SMAD4: variants seen among roughly 807,000 people sequenced by gnomAD.
SMAD4 encodes the protein SMAD family member 4.
SMAD4 carries 7 observed loss-of-function variants against 63.2 expected under a neutral mutation model. That is an observed-to-expected ratio of 0.11 (90% confidence interval 0.06 to 0.21). The LOEUF is 0.21. SMAD4 is among the 10% of genes least tolerant of loss of function. The pLI is 1.00. For missense variants in SMAD4, 312 were observed against 693.8 expected (o/e 0.45, Z 6.18); for synonymous variants, 215 against 235.4 (o/e 0.91, Z 0.79).
At position 51,078,194 on chromosome 18, in the gene SMAD4, T is replaced by G. The variant is rs1246887794; in HGVS notation, c.1448-62T>G. 3.8e-6 allele frequency: 5 copies of G among 1,309,270 alleles called. No homozygotes were observed. In the African/African-American group the frequency reaches 5.8e-5, roughly 15 times the overall value. The allele number at this position is 1,309,270 out of a possible 1,614,324, so 81.1% of individuals were successfully genotyped here. A position where few individuals can be genotyped will look rare whatever the true frequency, so the allele number is the denominator to read the frequency against. ...AGCTGGTCACTTGATTAATTTAGAA[T>G]GTAGGGAGGATGGGAAGAGATCACC... On this transcript the variant is annotated intron_variant, in intron 11 of 11. Transcript: ENST00000342988.
Position 51,082,306 on chromosome 18 carries a change from A to G in SMAD4, c.*3839A>G, listed in dbSNP as rs866179516. 4 of 228,490 alleles carry G rather than the reference A, an allele frequency of 1.8e-5. No homozygotes were observed. The highest frequency in any genetic ancestry group is 3.5e-5 in the Non-Finnish European group (4 of 115,204). The allele number at this position is 228,490 out of a possible 1,614,324, so 14.2% of individuals were successfully genotyped here. Reference sequence around the variant, plus strand: ...TCCTCTTTTGCAAAGACTACAGAGAATAGGCTATGACAATCTTGTTCAAGC... The same window carrying G: ...TCCTCTTTTGCAAAGACTACAGAGAGTAGGCTATGACAATCTTGTTCAAGC... On this transcript the variant is annotated 3_prime_UTR_variant, in exon 12 of 12. Coordinates refer to ENST00000342988, the MANE Select transcript of SMAD4 (RefSeq NM_005359.6).
chr18:51,072,301 A>G (rs1373718668), intron 10 of SMAD4, among the ~76,000 whole-genome samples: 2 of 152,332 alleles, frequency 1.3e-5, no homozygotes, highest in African/African-American at 2.4e-5. Context: ...GGTGTGAAGT[A>G]TAATCTTATT....
At chr18:51,075,803 A>G (rs966296157) in intron 10 of SMAD4, among the ~76,000 whole-genome samples, 30 of 152,288 alleles carry the variant, frequency 2.0e-4, no homozygotes, top group Middle Eastern at 6.8e-3. Context: ...ATAAATGACT[A>G]CGGGGGAGGC....
intron 4 of SMAD4, chr18:51,050,960 G>A (rs1909693590): frequency 6.5e-6 from 1 of 154,632 alleles, no homozygotes; most frequent in Non-Finnish European, 1.4e-5. Flanking sequence ...GGTCTGGGAA[G>A]GGTTGCTTTA....
chr18:51,084,796 T>G lies in SMAD4; in HGVS notation c.*6329T>G. The G allele has an allele frequency of 4.3e-6, 1 of 230,828 alleles. No homozygotes were observed. Among genetic ancestry groups the G allele is most frequent in the East Asian group, 6.1e-5 (1 of 16,322 alleles). 14.3% of individuals were successfully genotyped at this position (230,828 alleles called of 1,614,324 possible). On this transcript the variant is annotated 3_prime_UTR_variant, in exon 12 of 12. Coordinates refer to ENST00000342988, the MANE Select transcript of SMAD4 (RefSeq NM_005359.6). ...GTGAGTTGGGGGTTGGGGACAGATT[T>G]GGTGGTGGTATTTCCCAACTGTTTC...
intron 8 of SMAD4, among the ~76,000 whole-genome samples, chr18:51,064,985 G>T (rs1411035926): frequency 2.6e-5 from 4 of 152,198 alleles, no homozygotes. Flanking sequence ...TAGGGTCAGT[G>T]TGTTTTTAAA....
Position 51,082,032 on chromosome 18 carries a change from TTTG to T in SMAD4, c.*3569_*3571del, listed in dbSNP as rs1038880990. ...ATTCTCTGAGTGGAACAGAGTTCTT[TTTG>T]TTGATAATTTCTAGTTTGCTCCCTT... On this transcript the variant is annotated 3_prime_UTR_variant, in exon 12 of 12. Coordinates refer to ENST00000342988, the MANE Select transcript of SMAD4 (RefSeq NM_005359.6). 12 of 231,374 alleles carry T rather than the reference TTTG, an allele frequency of 5.2e-5. No individual in the cohort carries two copies. The highest frequency in any genetic ancestry group is 2.7e-4 in the African/African-American group (12 of 45,258). 14.3% of individuals were successfully genotyped at this position (231,374 alleles called of 1,614,324 possible).
chr18:51,053,372 T>TA (rs1909759597), intron 4 of SMAD4: 1 of 152,176 alleles, frequency 6.6e-6, no homozygotes, highest in Non-Finnish European at 1.5e-5. Context: ...AGTGTAGACA[T>TA]ACCAATTTTG....
intron 1 of SMAD4, among the ~76,000 whole-genome samples, chr18:51,046,407 T>C (rs531386717): frequency 1.3e-5 from 2 of 151,880 alleles, no homozygotes; most frequent in South Asian, 4.2e-4. Context: ...AAGTGTCCTT[T>C]AGAATCCTTT....
chr18:51,039,822 A>G (rs1909320392), intron 1 of SMAD4, among the ~76,000 whole-genome samples: 3 of 152,160 alleles, frequency 2.0e-5, no homozygotes, highest in Non-Finnish European at 1.5e-5. Flanking sequence ...CCAAAATGAC[A>G]TTTAAGACAC....
At chr18:51,059,830 TAAATAA>T in intron 7 of SMAD4, 30 bp from the exon 8 acceptor site, 1 of 1,552,016 alleles carries the variant, frequency 6.4e-7, no homozygotes, top group Non-Finnish European at 8.9e-7. Context: ...CAACTTTTAG[TAAATAA>T]AAATGGAATT....
At chr18:51,053,417 A>G (rs760381132) in intron 4 of SMAD4, 1 of 152,138 alleles carries the variant, frequency 6.6e-6, no homozygotes, top group Non-Finnish European at 1.5e-5. Context: ...TATTATTTTT[A>G]TAACTTGGCC....
At chr18:51,042,910 A>G (rs530139817) in intron 1 of SMAD4, among the ~76,000 whole-genome samples, 25 of 152,312 alleles carry the variant, frequency 1.6e-4, no homozygotes, top group Admixed American at 4.6e-4. Flanking sequence ...CCATTGTGCT[A>G]TTTGAGTTGC....
chr18:51,054,234 A>G (rs940865775), intron 4 of SMAD4: 4 of 157,858 alleles, frequency 2.5e-5, no homozygotes, highest in African/African-American at 7.2e-5. Context: ...TTCTAAACCT[A>G]TAGGGGACAT....
rs1451329701 is a variant in SMAD4, at chr18:51,058,418, A to G, written c.866A>G (p.Gln289Arg). ...NLPHHQNGHL[Q>R]HHPPMPPHPG... Reference sequence around the variant, plus strand: ...CCTCACCACCAAAACGGCCATCTTCAGCACCACCCGCCTATGCCGCCCCAT... The same window carrying G: ...CCTCACCACCAAAACGGCCATCTTCGGCACCACCCGCCTATGCCGCCCCAT... The change falls in exon 7 of 12, where the codon CAG (glutamine) becomes CGG (arginine). Residue 289 changes from glutamine (Q) to arginine (R), a missense_variant. Physicochemically the swap from Gln to Arg is conservative, Grantham distance 43. Around this residue, in one of 4 missense-constraint regions of SMAD4, gnomAD observed 169 missense variants for 211.0 expected, o/e 0.80. Coordinates refer to ENST00000342988, the MANE Select transcript of SMAD4 (RefSeq NM_005359.6). The G allele has an allele frequency of 6.2e-7, 1 of 1,613,434 alleles. No homozygotes were observed. Among genetic ancestry groups the G allele is most frequent in the East Asian group, 2.2e-5 (1 of 44,872 alleles).
chr18:51,077,324 T>TA (rs1200890173), intron 11 of SMAD4: 3 of 929,032 alleles, frequency 3.2e-6, no homozygotes, highest in Non-Finnish European at 3.9e-6. Flanking sequence ...CTCCTGACTA[T>TA]AGACTTTTAT....
chr18:51,081,021 A>G lies in SMAD4; in HGVS notation c.*2554A>G, dbSNP rs1323699227. 9.6e-6 allele frequency: 2 copies of G among 208,794 alleles called. No individual in the cohort carries two copies. Among genetic ancestry groups the G allele is most frequent in the Non-Finnish European group, 1.9e-5 (2 of 102,890 alleles). 12.9% of individuals were successfully genotyped at this position (208,794 alleles called of 1,614,324 possible). ...TTGTTAAGTGCTTATATTTGTACCTAGATTTAGTCACACGCTTTTGAGAAA... is the reference window on the plus strand; with the variant it reads ...TTGTTAAGTGCTTATATTTGTACCTGGATTTAGTCACACGCTTTTGAGAAA... On this transcript the variant is annotated 3_prime_UTR_variant, in exon 12 of 12. Coordinates refer to ENST00000342988, the MANE Select transcript of SMAD4 (RefSeq NM_005359.6).
chr18:51,073,402 C>G (rs796065878), intron 10 of SMAD4, among the ~76,000 whole-genome samples: 1 of 115,178 alleles, frequency 8.7e-6, no homozygotes, highest in East Asian at 3.0e-4. Flanking sequence ...CACACACACA[C>G]ACACACACAC....
intron 4 of SMAD4, among the ~76,000 whole-genome samples, chr18:51,051,761 T>C (rs1019409308): frequency 1.3e-4 from 20 of 152,108 alleles, no homozygotes; most frequent in African/African-American, 4.1e-4. Flanking sequence ...TGGTTTCAGC[T>C]TTTTTGTCAC....
Sources: allele counts gnomAD v4.1 joint callset (sites outside exome capture counted in the v4.1 genomes callset), GRCh38; gene constraint gnomAD v4.1.1; regional missense constraint gnomAD v4.1.1; transcripts MANE v1.5; gene names NCBI Gene and HGNC (gene_info 2026-07-23, HGNC 2026-07-21).